Variants in ST8SIA2 observed in about 807,000 individuals in gnomAD.
ST8SIA2 encodes alpha-2,8-sialyltransferase 8B.
Under a neutral mutation model 37.6 loss-of-function variants are expected in ST8SIA2, and 22 were observed. That is an observed-to-expected ratio of 0.58 (90% confidence interval 0.42 to 0.83). The LOEUF (loss-of-function observed/expected upper bound fraction) is 0.83, where lower values mean the gene tolerates loss of function less well. Among genes scored for constraint, ST8SIA2 ranks in the 40% least tolerant of loss-of-function variants. The pLI is 0.00. For synonymous variants in ST8SIA2, 205 were observed against 201.2 expected (o/e 1.02, Z -0.16); for missense variants, 382 against 484.7 (o/e 0.79, Z 1.99).
At chr15:92,454,138 C>T (rs927687629) in intron 5 of ST8SIA2, among the ~76,000 whole-genome samples, 26 of 152,218 alleles carry the variant, frequency 1.7e-4, no homozygotes, top group African/African-American at 1.7e-4. Context: ...GTGGCTTAAC[C>T]GACAGAATGT....
chr15:92,454,755 T>G (rs1312045729), intron 5 of ST8SIA2, among the ~76,000 whole-genome samples: 120 of 152,192 alleles, frequency 7.9e-4, no homozygotes, highest in African/African-American at 2.9e-3. Flanking sequence ...TCTGCTGGCC[T>G]GTGGGGTGGC....
At chr15:92,405,983 TC>T (rs1263017964) in intron 1 of ST8SIA2, among the ~76,000 whole-genome samples, 3 of 152,104 alleles carry the variant, frequency 2.0e-5, no homozygotes, top group African/African-American at 4.8e-5. Context: ...CTTCCAGAAG[TC>T]CCTTTCTTTA....
intron 1 of ST8SIA2, among the ~76,000 whole-genome samples, chr15:92,413,553 G>T (rs1009870925): frequency 6.6e-6 from 1 of 152,174 alleles, no homozygotes; most frequent in Non-Finnish European, 1.5e-5. Context: ...CAGTGGGTGG[G>T]TAGTTTCCGC....
At chr15:92,404,179 T>C (rs2049490948) in intron 1 of ST8SIA2, among the ~76,000 whole-genome samples, 1 of 152,218 alleles carries the variant, frequency 6.6e-6, no homozygotes, top group African/African-American at 2.4e-5. Flanking sequence ...GACTGACAAG[T>C]TCTTGCCAGA....
At chr15:92,394,183 C>T in intron 1 of ST8SIA2, 21 bp downstream of exon 1, 1 of 1,538,400 alleles carries the variant, frequency 6.5e-7, no homozygotes, top group Non-Finnish European at 8.8e-7. Flanking sequence ...GCTCCCAGGC[C>T]CGTGCCACGA....
intron 1 of ST8SIA2, among the ~76,000 whole-genome samples, chr15:92,423,466 A>G (rs980582702): frequency 3.3e-5 from 5 of 152,252 alleles, no homozygotes; most frequent in Admixed American, 6.5e-5. Context: ...TTGTTTTGCT[A>G]TGACAGAGTA....
In ST8SIA2 at chr15:92,466,713, A is replaced by G. The variant is rs2049994552; in HGVS notation, c.*2328A>G. Reference sequence around the variant, plus strand: ...GGTTCTCTCTGGAGAAAGGTTAGAGACCCCAGGACAATCAACATGTGCACC... The same window carrying G: ...GGTTCTCTCTGGAGAAAGGTTAGAGGCCCCAGGACAATCAACATGTGCACC... On this transcript the variant is annotated 3_prime_UTR_variant, in exon 6 of 6. Transcript: ENST00000268164. 1 of 151,948 alleles carries G rather than the reference A, an allele frequency of 6.6e-6. No individual in the cohort carries two copies. Among genetic ancestry groups the G allele is most frequent in the Non-Finnish European group, 1.5e-5 (1 of 68,008 alleles). The allele number at this position is 151,948 out of a possible 1,614,324, so 9.4% of individuals were successfully genotyped here. A position where few individuals can be genotyped will look rare whatever the true frequency, so the allele number is the denominator to read the frequency against.
At chr15:92,424,198 C>T (rs759761409) in intron 1 of ST8SIA2, among the ~76,000 whole-genome samples, 66 of 152,204 alleles carry the variant, frequency 4.3e-4, no homozygotes, top group Non-Finnish European at 8.2e-4. Flanking sequence ...AAATTGTCAG[C>T]TCCTGAAAGT....
chr15:92,430,075 G>T lies in ST8SIA2; in HGVS notation c.125G>T (p.Arg42Ile). Residue 42 changes from arginine (R) to isoleucine (I), a missense_variant, in exon 2 of 6, where the codon AGA (arginine) becomes ATA (isoleucine). Transcript: ENST00000268164. ...AATTCGGGAGGCAGAGGTACAATCA[G>T]ATCAGCTGTGAACAGCTTACATAGC... ...IGNSGGRGTI[R>I]SAVNSLHSKS... The T allele has an allele frequency of 6.2e-7, 1 of 1,614,170 alleles. No homozygotes were observed.
At chr15:92,430,588 T>C (rs1037689660) in intron 2 of ST8SIA2, among the ~76,000 whole-genome samples, 4 of 152,174 alleles carry the variant, frequency 2.6e-5, no homozygotes, top group African/African-American at 4.8e-5. Context: ...GAACGTACGC[T>C]CCAAATTCTG....
rs2049956199 is a variant in ST8SIA2 at position 92,461,336 on chromosome 15, G to A, written c.843-2764G>A. 2.6e-5 allele frequency among the ~76,000 whole-genome samples: 4 copies of A among 151,276 alleles called. No homozygotes were observed. In the South Asian group the frequency reaches 8.4e-4, roughly 32 times the overall value. ...TGTTCCCCTGGAATCACAAATATAA[G>A]AGGAAAAAGCCCCAAAAATATATAT... On this transcript the variant is annotated intron_variant, in intron 5 of 5. Coordinates refer to ENST00000268164, the MANE Select transcript of ST8SIA2 (RefSeq NM_006011.4).
chr15:92,446,554 G>A (rs1468578483), intron 5 of ST8SIA2, among the ~76,000 whole-genome samples: 6 of 152,112 alleles, frequency 3.9e-5, no homozygotes, highest in Admixed American at 6.5e-5. Flanking sequence ...CTTACTATGC[G>A]CTAGGCTCTG....
chr15:92,396,253 A>G (rs1183417685), intron 1 of ST8SIA2, among the ~76,000 whole-genome samples: 1 of 152,216 alleles, frequency 6.6e-6, no homozygotes, highest in Admixed American at 6.5e-5. Flanking sequence ...AGGCTGATGT[A>G]GCTGCCTTAG....
At chr15:92,436,159 G>A (rs539652350) in intron 3 of ST8SIA2, among the ~76,000 whole-genome samples, 9 of 152,218 alleles carry the variant, frequency 5.9e-5, no homozygotes, top group Middle Eastern at 3.4e-3. Flanking sequence ...AATTACATCC[G>A]CAAAGATGTT....
chr15:92,433,551 G>A (rs2049732267), intron 2 of ST8SIA2, among the ~76,000 whole-genome samples: 1 of 152,224 alleles, frequency 6.6e-6, no homozygotes, highest in Non-Finnish European at 1.5e-5. Flanking sequence ...GGAGTATAAA[G>A]CCAGCCAGTT....
chr15:92,404,576 C>T (rs1009057815), intron 1 of ST8SIA2, among the ~76,000 whole-genome samples: 1 of 150,910 alleles, frequency 6.6e-6, no homozygotes, highest in Non-Finnish European at 1.5e-5. Context: ...AATCTCAACA[C>T]TTTGGGAGGC....
chr15:92,422,296 C>T (rs1410881217), intron 1 of ST8SIA2: 1 of 152,186 alleles, frequency 6.6e-6, no homozygotes, highest in East Asian at 1.9e-4. Context: ...GCAGTTACAT[C>T]ACTTCTGACC....
At chr15:92,413,872 C>A (rs1258334422) in intron 1 of ST8SIA2, among the ~76,000 whole-genome samples, 1 of 152,112 alleles carries the variant, frequency 6.6e-6, no homozygotes, top group African/African-American at 2.4e-5. Context: ...TCTGAGGCAG[C>A]CCCCGGTGTG....
At position 92,421,662 on chromosome 15, in the gene ST8SIA2, G is replaced by A. The variant is rs372176201; in HGVS notation, c.99-8387G>A. Among the ~76,000 whole-genome samples, 72 of 152,312 alleles carry A rather than the reference G, an allele frequency of 4.7e-4. 1 individual carries two copies. In the East Asian group the frequency reaches 0.013, roughly 27 times the overall value. ...GTTCAGCTATAATTACAGACCCAGC[G>A]AGTGTTAGCTCCGAGCTTACTCTCT... On this transcript the variant is annotated intron_variant, in intron 1 of 5. Transcript: ENST00000268164.
Sources: allele counts gnomAD v4.1 joint callset (sites outside exome capture counted in the v4.1 genomes callset), GRCh38; gene constraint gnomAD v4.1.1; transcripts MANE v1.5; gene names NCBI Gene and HGNC (gene_info 2026-07-23, HGNC 2026-07-21).